Variants in DNAH9 observed in about 807,000 individuals in gnomAD.
DNAH9 encodes the protein dynein axonemal heavy chain 9.
DNAH9 carries 345 observed loss-of-function variants against 471.6 expected under a neutral mutation model. That is an observed-to-expected ratio of 0.73 (90% CI 0.67 to 0.80). The LOEUF (loss-of-function observed/expected upper bound fraction) is 0.80, where lower values mean the gene tolerates loss of function less well. Among genes scored for constraint, DNAH9 ranks in the 30% least tolerant of loss-of-function variants. DNAH9 has a pLI of 0.00. For missense variants in DNAH9, 5,407 were observed against 5,609.2 expected, an observed-to-expected ratio of 0.96 and a Z score of 1.15; for synonymous variants, 2,093 against 2,123.6, an observed-to-expected ratio of 0.99 and a Z score of 0.40.
chr17:11,782,956 C>T (rs1045927609), intron 39 of DNAH9, among the ~76,000 whole-genome samples: 3 of 152,140 alleles, frequency 2.0e-5, no homozygotes, highest in Non-Finnish European at 2.9e-5. Context: ...TAAAAAATTA[C>T]TTTATAATTA....
At chr17:11,803,132 G>T (rs1219608728) in intron 43 of DNAH9, among the ~76,000 whole-genome samples, 4 of 152,172 alleles carry the variant, frequency 2.6e-5, no homozygotes, top group Non-Finnish European at 4.4e-5. Context: ...TTCCTTAGTA[G>T]TACCACTTTT....
chr17:11,756,297 G>C (rs2191074), intron 33 of DNAH9, among the ~76,000 whole-genome samples: 1 of 148,972 alleles, frequency 6.7e-6, no homozygotes, highest in Admixed American at 6.7e-5. Context: ...AAAAAAATCA[G>C]ATCTTGTGAG....
chr17:11,873,394 A>G (rs1412124494), intron 52 of DNAH9: 1 of 152,212 alleles, frequency 6.6e-6, no homozygotes, highest in Non-Finnish European at 1.5e-5. Flanking sequence ...GAAAAAATAT[A>G]TTGGAACACA....
rs796722438 is a variant in DNAH9, at chr17:11,742,402, T to C, written c.6111+89T>C. The C allele has an allele frequency of 8.3e-6, 11 of 1,331,168 alleles. No individual in the cohort carries two copies. The African/African-American group carries it at 1.5e-4, about 18-fold the overall frequency. The allele number at this position is 1,331,168 out of a possible 1,614,324, so 82.5% of individuals were successfully genotyped here. A position where few individuals can be genotyped will look rare whatever the true frequency, so the allele number is the denominator to read the frequency against. Reference sequence around the variant, plus strand: ...CTGGAACAAATGTATTAGGAAAACATACTCAAGCTTTCTCATAGAAAGTCA... The same window carrying C: ...CTGGAACAAATGTATTAGGAAAACACACTCAAGCTTTCTCATAGAAAGTCA... On this transcript the variant is annotated intron_variant, in intron 30 of 68. Transcript: ENST00000262442.
intron 61 of DNAH9, among the ~76,000 whole-genome samples, chr17:11,918,334 T>G (rs754374109): frequency 6.6e-6 from 1 of 152,072 alleles, no homozygotes; most frequent in Non-Finnish European, 1.5e-5. Context: ...CAGGCTCAAG[T>G]GATCCTCTTG....
At chr17:11,740,856 T>C (rs1478575455) in intron 29 of DNAH9, among the ~76,000 whole-genome samples, 1 of 152,162 alleles carries the variant, frequency 6.6e-6, no homozygotes, top group East Asian at 1.9e-4. Context: ...AGTCCTGTCA[T>C]CCAGGAACAA....
rs1475943345 is a variant in DNAH9 at position 11,721,910 on chromosome 17, C to A, written c.5709+2420C>A. On this transcript the variant is annotated intron_variant, in intron 27 of 68. Coordinates refer to ENST00000262442, the MANE Select transcript of DNAH9 (RefSeq NM_001372.4). ...GACATGTGGAGGACGTGATACCCAA[C>A]CAAGGCTCAGTTTTGGGGTTGGTGA... Among the ~76,000 whole-genome samples, 31 of 152,122 alleles carry A rather than the reference C, an allele frequency of 2.0e-4. 2 individuals are homozygous for A. The highest frequency in any genetic ancestry group is 2.0e-3 in the Admixed American group (30 of 15,280).
intron 43 of DNAH9, among the ~76,000 whole-genome samples, chr17:11,802,719 ACT>A (rs1216873154): frequency 6.6e-6 from 1 of 151,676 alleles, no homozygotes; most frequent in East Asian, 1.9e-4. Flanking sequence ...CCTCCCAGGA[ACT>A]CACAGGTCCA....
At chr17:11,657,927 T>G (rs531544236) in intron 14 of DNAH9, among the ~76,000 whole-genome samples, 3 of 152,080 alleles carry the variant, frequency 2.0e-5, no homozygotes, top group Non-Finnish European at 4.4e-5. Context: ...TGATTATCAG[T>G]AAGTCTGAAA....
At position 11,757,557 on chromosome 17, in the gene DNAH9, T is replaced by A. The variant is rs530333591; in HGVS notation, c.6860T>A (p.Ile2287Asn). The change falls in exon 35 of 69, where the codon ATC becomes AAC. Residue 2287 changes from isoleucine to asparagine, a missense_variant. Physicochemically the swap from Ile to Asn is moderately radical, Grantham distance 149. This residue lies in a region of DNAH9 where 4,636 missense variants were observed against 4,900.3 expected (regional missense o/e 0.95). Coordinates refer to ENST00000262442, the MANE Select transcript of DNAH9 (RefSeq NM_001372.4). ...TCTGTGCTCACAGGGATCTTGTACA[T>A]CAACCCGGCAGACTTGGGATGGAAC... ...ATVSRAGILYINPADLGWNPP... is the reference protein window; with the variant it reads ...ATVSRAGILYNNPADLGWNPP... The A allele has an allele frequency of 4.4e-5, 71 of 1,613,436 alleles. No individual in the cohort carries two copies. The highest frequency in any genetic ancestry group is 5.9e-5 in the Non-Finnish European group (70 of 1,179,534).
intron 62 of DNAH9, among the ~76,000 whole-genome samples, chr17:11,929,190 A>ATTTTT (rs2151033675): frequency 6.6e-6 from 1 of 151,804 alleles, no homozygotes; most frequent in East Asian, 1.9e-4. Flanking sequence ...GCCCACCACC[A>ATTTTT]TGCCCAGCTA....
At chr17:11,612,166 C>T in intron 4 of DNAH9, 1 of 490,750 alleles carries the variant, frequency 2.0e-6, no homozygotes, top group Non-Finnish European at 3.7e-6. Context: ...GGGGCCAGGA[C>T]ATACAGTTCT....
intron 33 of DNAH9, among the ~76,000 whole-genome samples, chr17:11,753,662 A>G (rs1967252711): frequency 6.6e-6 from 1 of 152,180 alleles, no homozygotes; most frequent in Admixed American, 6.5e-5. Flanking sequence ...GCGAAACTCC[A>G]TCTCCAAAAA....
chr17:11,839,094 G>A (rs1371351499), intron 49 of DNAH9, among the ~76,000 whole-genome samples: 1 of 152,062 alleles, frequency 6.6e-6, no homozygotes, highest in African/African-American at 2.4e-5. Context: ...GGTTTATCTT[G>A]CAATTTCATG....
intron 39 of DNAH9, among the ~76,000 whole-genome samples, chr17:11,782,436 T>A (rs1049966978): frequency 1.3e-5 from 2 of 152,158 alleles, no homozygotes; most frequent in African/African-American, 4.8e-5. Flanking sequence ...CCGCCTCCAT[T>A]TCTTGCTTCC....
At chr17:11,613,587 G>C (rs2072681396) in intron 4 of DNAH9, among the ~76,000 whole-genome samples, 1 of 152,210 alleles carries the variant, frequency 6.6e-6, no homozygotes, top group South Asian at 2.1e-4. Flanking sequence ...CCTAGTGACA[G>C]ACCGAGACTC....
At chr17:11,680,071 CAG>C (rs1406640061) in intron 18 of DNAH9, 92 bp downstream of exon 18, 1 of 991,496 alleles carries the variant, frequency 1.0e-6, no homozygotes, top group Non-Finnish European at 1.5e-6. Context: ...AAATGAAAAA[CAG>C]GGCTTGGAGC....
At chr17:11,909,865 TG>T (rs1477765426) in intron 61 of DNAH9, among the ~76,000 whole-genome samples, 1 of 152,224 alleles carries the variant, frequency 6.6e-6, no homozygotes, top group Non-Finnish European at 1.5e-5. Flanking sequence ...TCAAAACTCT[TG>T]TTTTGAAACC....
chr17:11,711,959 AATATATATATTTGTATATAT>A (rs1185844207), intron 26 of DNAH9, among the ~76,000 whole-genome samples: 10 of 14,482 alleles, frequency 6.9e-4, no homozygotes, highest in Admixed American at 3.4e-3. Context: ...TTTATATATA[AATATATATATTTGTATATAT>A]ATTTATATAT....
Sources: allele counts gnomAD v4.1 joint callset (sites outside exome capture counted in the v4.1 genomes callset), GRCh38; gene constraint gnomAD v4.1.1; regional missense constraint gnomAD v4.1.1; transcripts MANE v1.5; gene names NCBI Gene and HGNC (gene_info 2026-07-23, HGNC 2026-07-21).